RABGAP1L: variants seen among roughly 807,000 people sequenced by gnomAD.
The protein encoded by RABGAP1L is rab GTPase-activating protein 1-like.
In RABGAP1L, 63 loss-of-function variants were observed where a neutral mutation model predicts 137.7. The observed-to-expected ratio is 0.46, with a 90% CI of 0.37 to 0.56. The LOEUF is 0.56. Among genes scored for constraint, RABGAP1L ranks in the 20% least tolerant of loss-of-function variants. RABGAP1L has a pLI of 0.00. For missense variants in RABGAP1L, 1,095 were observed against 1,244.0 expected (o/e 0.88, Z 1.80); for synonymous variants, 431 against 433.7 (o/e 0.99, Z 0.08).
intron 17 of RABGAP1L, among the ~76,000 whole-genome samples, chr1:174,736,957 T>A (rs115183223): frequency 0.021 from 3,217 of 152,294 alleles, 53 homozygotes; most frequent in Middle Eastern, 0.085. Context: ...CCTAGGCCTC[T>A]CTTCCTATGA....
chr1:174,688,524 A>G (rs1408809710), intron 15 of RABGAP1L, among the ~76,000 whole-genome samples: 1 of 152,122 alleles, frequency 6.6e-6, no homozygotes, highest in Non-Finnish European at 1.5e-5. Context: ...TTTGTCTGAT[A>G]AAGATATGCA....
intron 12 of RABGAP1L, among the ~76,000 whole-genome samples, chr1:174,377,045 T>C (rs2149021974): frequency 6.6e-6 from 1 of 152,254 alleles, no homozygotes; most frequent in African/African-American, 2.4e-5. Context: ...TGCACATCAG[T>C]TTCATTTCTA....
chr1:174,588,773 C>T (rs1173886047), intron 13 of RABGAP1L, among the ~76,000 whole-genome samples: 1 of 152,078 alleles, frequency 6.6e-6, no homozygotes, highest in Non-Finnish European at 1.5e-5. Flanking sequence ...TTGCAAATGA[C>T]AGAATCTCAT....
At chr1:174,396,354 A>C (rs1043545737) in intron 13 of RABGAP1L, among the ~76,000 whole-genome samples, 22 of 152,202 alleles carry the variant, frequency 1.4e-4, no homozygotes, top group African/African-American at 3.1e-4. Flanking sequence ...CACACACACA[A>C]AAAAAGATCC....
In RABGAP1L at chr1:174,250,500, G is replaced by A; in HGVS notation, c.743G>A (p.Cys248Tyr). Residue 248 changes from cysteine to tyrosine, a missense_variant, in exon 6 of 26, where the codon TGT (cysteine) becomes TAT (tyrosine). Physicochemically the swap from Cys to Tyr is radical, Grantham distance 194 (BLOSUM62 -2). Around this residue, in one of 4 missense-constraint regions of RABGAP1L, gnomAD observed 356 missense variants for 326.3 expected, o/e 1.09. Coordinates refer to ENST00000681986, the MANE Select transcript of RABGAP1L (RefSeq NM_001366446.1). ...GTAAGCAGAATTTTGTACAGTTTCT[G>A]TACAGCATTCAAACGTTCTTCCAGA... ...EAVSRILYSFCTAFKRSSRQV... is the reference protein window; with the variant it reads ...EAVSRILYSFYTAFKRSSRQV... The A allele has an allele frequency of 6.2e-7, 1 of 1,612,994 alleles. No homozygotes were observed. Among genetic ancestry groups the A allele is most frequent in the Non-Finnish European group, 8.5e-7 (1 of 1,179,342 alleles).
chr1:174,259,150 A>G (rs1197216925), intron 7 of RABGAP1L, among the ~76,000 whole-genome samples: 2 of 152,008 alleles, frequency 1.3e-5, no homozygotes, highest in African/African-American at 2.4e-5. Flanking sequence ...TGTGCATCCA[A>G]GGGTTTAAGG....
chr1:174,546,088 A>C (rs1192818067), intron 13 of RABGAP1L, among the ~76,000 whole-genome samples: 1 of 152,210 alleles, frequency 6.6e-6, no homozygotes, highest in African/African-American at 2.4e-5. Context: ...TCTAGCCTGT[A>C]AACTCCTTTA....
chr1:174,833,445 T>TAGAG lies in RABGAP1L; in HGVS notation c.2340+21487_2340+21490dup, dbSNP rs1308272258. On this transcript the variant is annotated intron_variant, in intron 19 of 25. Transcript: ENST00000681986. ...GTGTATATATATATGTGTGTGTGTG[T>TAGAG]AGAGATATATATATATATATATAGT... Among the ~76,000 whole-genome samples the TAGAG allele has an allele frequency of 2.4e-3, 104 of 43,030 alleles. 14 individuals are homozygous for TAGAG. The highest frequency in any genetic ancestry group is 5.5e-3 in the South Asian group (2 of 366). The allele number at this position is 43,030 out of a possible 152,430, so 28.2% of individuals were successfully genotyped here.
intron 19 of RABGAP1L, among the ~76,000 whole-genome samples, chr1:174,850,347 A>G (rs1477811263): frequency 1.3e-5 from 2 of 152,246 alleles, no homozygotes; most frequent in Non-Finnish European, 2.9e-5. Context: ...ATGCTTTAAT[A>G]AATGTGGATA....
chr1:174,823,958 A>G (rs1450492630), intron 19 of RABGAP1L, among the ~76,000 whole-genome samples: 3 of 152,192 alleles, frequency 2.0e-5, no homozygotes, highest in African/African-American at 7.2e-5. Flanking sequence ...ATTTGAAACC[A>G]GCTTTACCAA....
intron 1 of RABGAP1L, among the ~76,000 whole-genome samples, chr1:174,161,760 G>T (rs1664477379): frequency 1.3e-5 from 2 of 149,418 alleles, no homozygotes; most frequent in South Asian, 4.2e-4. Context: ...ACAAGGTCTC[G>T]CTCTGGCGCC....
intron 1 of RABGAP1L, among the ~76,000 whole-genome samples, chr1:174,186,880 C>T (rs1216918254): frequency 1.3e-5 from 2 of 152,140 alleles, no homozygotes; most frequent in African/African-American, 2.4e-5. Flanking sequence ...GTCTTTCTTT[C>T]ATCCATTTCC....
chr1:174,163,126 A>C (rs1664642413), intron 1 of RABGAP1L, among the ~76,000 whole-genome samples: 1 of 152,148 alleles, frequency 6.6e-6, no homozygotes, highest in Non-Finnish European at 1.5e-5. Flanking sequence ...CTTGAGCCTG[A>C]GTTATGGTAA....
At chr1:174,371,388 G>A (rs1685100661) in intron 12 of RABGAP1L, among the ~76,000 whole-genome samples, 1 of 151,728 alleles carries the variant, frequency 6.6e-6, no homozygotes, top group Non-Finnish European at 1.5e-5. Context: ...ATGCTATATT[G>A]CCAATGCATT....
chr1:174,549,985 T>G (rs73042868), intron 13 of RABGAP1L, among the ~76,000 whole-genome samples: 2,506 of 152,248 alleles, frequency 0.016, 69 homozygotes, highest in African/African-American at 0.058. Context: ...TGCACTGTGA[T>G]CATACTGTAA....
chr1:174,813,222 T>C (rs919137289), intron 19 of RABGAP1L, among the ~76,000 whole-genome samples: 1 of 152,146 alleles, frequency 6.6e-6, no homozygotes, highest in Non-Finnish European at 1.5e-5. Context: ...GAGATGATGA[T>C]AGACTGAACC....
chr1:174,736,094 C>T (rs975558083), intron 17 of RABGAP1L, among the ~76,000 whole-genome samples: 4 of 152,180 alleles, frequency 2.6e-5, no homozygotes, highest in African/African-American at 9.7e-5. Flanking sequence ...TCAATAGTTG[C>T]CTCAAGTCTT....
intron 1 of RABGAP1L, among the ~76,000 whole-genome samples, chr1:174,172,222 A>ATG (rs1665474488): frequency 1.5e-5 from 2 of 133,048 alleles, no homozygotes; most frequent in Admixed American, 7.9e-5. Context: ...GTGTGTATAT[A>ATG]TGCCACAAAT....
chr1:174,757,144 TC>T (rs921901771), intron 18 of RABGAP1L: 2 of 414,976 alleles, frequency 4.8e-6, no homozygotes, highest in Non-Finnish European at 9.9e-6. Flanking sequence ...ATTGTCAGCT[TC>T]AGTTCCCATA....
Sources: gnomAD v4.1 joint callset for allele counts (sites outside exome capture counted in the v4.1 genomes callset) on GRCh38, gnomAD v4.1.1 for gene constraint, gnomAD v4.1.1 regional missense constraint, MANE v1.5 for transcripts, NCBI Gene and HGNC (gene_info 2026-07-23, HGNC 2026-07-21) for gene names.